Variants in CAMSAP3 observed in about 807,000 individuals in gnomAD.
The protein encoded by CAMSAP3 is calmodulin regulated spectrin associated protein family member 3, also known as calmodulin-regulated spectrin-associated protein 3.
Under a neutral mutation model 112.5 loss-of-function variants are expected in CAMSAP3, and 34 were observed. The observed-to-expected ratio is 0.30, with a 90% CI of 0.23 to 0.40. The LOEUF (loss-of-function observed/expected upper bound fraction) is 0.40. CAMSAP3 is among the 10% of genes least tolerant of loss of function. The pLI, the probability that CAMSAP3 is intolerant of heterozygous loss-of-function variation, is 1.00. For missense variants in CAMSAP3, 1,602 were observed against 1,770.3 expected, an observed-to-expected ratio of 0.90 and a Z score of 1.71; for synonymous variants, 868 against 799.8, an observed-to-expected ratio of 1.09 and a Z score of -1.44.
Position 7,617,981 on chromosome 19 carries a change from C to G in CAMSAP3, c.3674C>G (p.Ala1225Gly), listed in dbSNP as rs1468370577. The G allele has an allele frequency of 1.2e-6, 2 of 1,614,154 alleles. No homozygotes were observed. The highest frequency in any genetic ancestry group is 3.3e-5 in the Admixed American group (2 of 60,026). ...AAGACCATGTCCATGAGCGTCGATGCCTTCACCATCCAGGGACACCTCTGG... is the reference window on the plus strand; with the variant it reads ...AAGACCATGTCCATGAGCGTCGATGGCTTCACCATCCAGGGACACCTCTGG... ...PAKTMSMSVD[A>G]FTIQGHLWQG... Residue 1225 changes from alanine (A) to glycine (G), a missense_variant, in exon 17 of 17, where the codon GCC becomes GGC. Around this residue, in one of 6 missense-constraint regions of CAMSAP3, gnomAD observed 150 missense variants for 207.6 expected, o/e 0.72. Transcript: ENST00000160298. This position sits in a 1 kb window ranked among gnomAD's most constrained non-coding sequence, Gnocchi z 7.5.
Position 7,612,975 on chromosome 19 carries a change from C to G in CAMSAP3, c.2482C>G (p.Leu828Val). 1 of 1,597,478 alleles carries G rather than the reference C, an allele frequency of 6.3e-7. No individual in the cohort carries two copies. Among genetic ancestry groups the G allele is most frequent in the Admixed American group, 1.7e-5 (1 of 59,090 alleles). ...CGTGCAGACGCGCTCTTCCATCCTC[C>G]TGGCGGAGGAGACGCCCCCCGAGGA... is the stretch of plus-strand genomic sequence containing the variant. ...VPVQTRSSIL[L>V]AEETPPEEPA... Residue 828 changes from leucine to valine, a missense_variant, in exon 11 of 17, where the codon CTG becomes GTG. Coordinates refer to ENST00000160298, the MANE Select transcript of CAMSAP3 (RefSeq NM_020902.2).
chr19:7,612,418 C>G lies in CAMSAP3; in HGVS notation c.1925C>G (p.Pro642Arg). The G allele has an allele frequency of 6.3e-7, 1 of 1,591,044 alleles. No individual in the cohort carries two copies. Among genetic ancestry groups the G allele is most frequent in the South Asian group, 1.1e-5 (1 of 88,502 alleles). Residue 642 changes from proline (P) to arginine (R), a missense_variant, in exon 11 of 17, where the codon CCG becomes CGG. By Grantham distance (103) the Pro-to-Arg change is moderately radical. Around this residue, in one of 6 missense-constraint regions of CAMSAP3, gnomAD observed 1,100 missense variants for 1,135.7 expected, o/e 0.97. Coordinates refer to ENST00000160298, the MANE Select transcript of CAMSAP3 (RefSeq NM_020902.2). ...AAAAGCGCCTTCCTGCAGGTGCAGCCGCGGGAAGCCTCTGGGGAGGCGGAA... is the reference window on the plus strand; with the variant it reads ...AAAAGCGCCTTCCTGCAGGTGCAGCGGCGGGAAGCCTCTGGGGAGGCGGAA... Reference protein sequence around the residue: ...LGKSAFLQVQPREASGEAEAE... With the variant: ...LGKSAFLQVQRREASGEAEAE...
chr19:7,616,001 C>A (rs2030767953), intron 13 of CAMSAP3, among the ~76,000 whole-genome samples: 1 of 151,922 alleles, frequency 6.6e-6, no homozygotes, highest in Non-Finnish European at 1.5e-5. Context: ...ACCAGCCTGG[C>A]CAACATGGTG....
intron 1 of CAMSAP3, among the ~76,000 whole-genome samples, chr19:7,600,923 TATCC>T (rs565478424): frequency 1.6e-5 from 2 of 123,182 alleles, no homozygotes; most frequent in Non-Finnish European, 3.6e-5. Flanking sequence ...TTCATCCATT[TATCC>T]ATCCATCCAT....
Position 7,610,864 on chromosome 19 carries a change from C to G in CAMSAP3, c.995-13C>G. 1.2e-6 allele frequency: 2 copies of G among 1,606,800 alleles called. No individual in the cohort carries two copies. The highest frequency in any genetic ancestry group is 1.7e-6 in the Non-Finnish European group (2 of 1,177,700). ...AGCCAAACCCCCGCCTGACCCTCTT[C>G]TCTGTACTGCAGCTGCCTCCCCCCG... On this transcript the variant is annotated splice_polypyrimidine_tract_variant and intron_variant, in intron 7 of 16. Coordinates refer to ENST00000160298, the MANE Select transcript of CAMSAP3 (RefSeq NM_020902.2). The surrounding 1 kb of genome is among the most constrained non-coding windows in gnomAD (Gnocchi z 4.9).
At chr19:7,601,604 G>A (rs2146157805) in intron 1 of CAMSAP3, among the ~76,000 whole-genome samples, 1 of 152,176 alleles carries the variant, frequency 6.6e-6, no homozygotes, top group South Asian at 2.1e-4. Flanking sequence ...TTAGCCAGGT[G>A]TGGTAGCACA....
Position 7,606,256 on chromosome 19 carries a change from C to T in CAMSAP3, c.403-15C>T. ...GCAGCTCTCAGGTCTCACCCTCTAG[C>T]GCTTGCCCCCACAGGGAGCCCACCT... On this transcript the variant is annotated splice_polypyrimidine_tract_variant and intron_variant, in intron 2 of 16. Coordinates refer to ENST00000160298, the MANE Select transcript of CAMSAP3 (RefSeq NM_020902.2). The T allele has an allele frequency of 6.2e-7, 1 of 1,604,852 alleles. No homozygotes were observed. The highest frequency in any genetic ancestry group is 1.1e-5 in the South Asian group (1 of 90,954).
chr19:7,605,749 C>T (rs1262847256), intron 2 of CAMSAP3, among the ~76,000 whole-genome samples: 1 of 151,726 alleles, frequency 6.6e-6, no homozygotes. Flanking sequence ...TTAAGCCTAG[C>T]TCCTATCAGT....
chr19:7,615,049 C>A lies in CAMSAP3; in HGVS notation c.2671-134C>A. 1 of 1,081,226 alleles carries A rather than the reference C, an allele frequency of 9.2e-7. No homozygotes were observed. The highest frequency in any genetic ancestry group is 1.4e-6 in the Non-Finnish European group (1 of 730,780). 67.0% of individuals were successfully genotyped at this position (1,081,226 alleles called of 1,614,324 possible). A position where few individuals can be genotyped will look rare whatever the true frequency, so the allele number is the denominator to read the frequency against. ...TGTGGGGCTGTGCATACAGTAGGCA[C>A]CAACTAAGTGCATTTAGAACAATGA... On this transcript the variant is annotated intron_variant, in intron 11 of 16. Transcript: ENST00000160298. The surrounding 1 kb of genome is among the most constrained non-coding windows in gnomAD (Gnocchi z 6.5).
In CAMSAP3 at chr19:7,611,515, A is replaced by G; in HGVS notation, c.1124-2A>G. The G allele has an allele frequency of 6.2e-7, 1 of 1,609,370 alleles. No homozygotes were observed. Among genetic ancestry groups the G allele is most frequent in the Non-Finnish European group, 8.5e-7 (1 of 1,178,020 alleles). ...ATAGTGACCACTCATCGCCTCCCCCAGGCTCCCTGAAGTCTTCCCCGTCCA... is the reference window on the plus strand; with the variant it reads ...ATAGTGACCACTCATCGCCTCCCCCGGGCTCCCTGAAGTCTTCCCCGTCCA... On this transcript the variant is annotated splice_acceptor_variant, in intron 9 of 16. Coordinates refer to ENST00000160298, the MANE Select transcript of CAMSAP3 (RefSeq NM_020902.2). LOFTEE classifies it high-confidence loss of function. The surrounding 1 kb of genome is among the most constrained non-coding windows in gnomAD (Gnocchi z 6.9).
rs557116801 is a variant in CAMSAP3, at chr19:7,600,975, C to A, written c.149-4251C>A. Among the ~76,000 whole-genome samples, 13 of 151,016 alleles carry A rather than the reference C, an allele frequency of 8.6e-5. No individual in the cohort carries two copies. The South Asian group carries it at 2.5e-3, about 29-fold the overall frequency. On this transcript the variant is annotated intron_variant, in intron 1 of 16. Transcript: ENST00000160298. ...CCATTCATCCATTTATCCATCCATC[C>A]ATCCATCCATCCTAGCTATGTTGTA...
chr19:7,606,388 G>T lies in CAMSAP3; in HGVS notation c.520G>T (p.Asp174Tyr), dbSNP rs766694369. 3.1e-6 allele frequency: 5 copies of T among 1,613,666 alleles called. No homozygotes were observed. Among genetic ancestry groups the T allele is most frequent in the Non-Finnish European group, 4.2e-6 (5 of 1,179,988 alleles). ...GGAGCACAAGCTGCTTTTCTGGGTG[G>T]ACACGGTAGGTGGGGTTGGGCCTGG... Reference protein sequence around the residue: ...SLEHKLLFWVDTTVRRLQEKT... With the variant: ...SLEHKLLFWVYTTVRRLQEKT... Residue 174 changes from aspartate to tyrosine, a missense_variant, in exon 3 of 17, where the codon GAC becomes TAC. By Grantham distance (160) the Asp-to-Tyr change is radical (BLOSUM62 -3). This residue lies in a region of CAMSAP3 where 112 missense variants were observed against 94.2 expected (regional missense o/e 1.19). Transcript: ENST00000160298.
Position 7,612,258 on chromosome 19 carries a change from A to T in CAMSAP3, c.1765A>T (p.Thr589Ser). Residue 589 changes from threonine to serine, a missense_variant, in exon 11 of 17, where the codon ACT becomes TCT. Physicochemically the swap from Thr to Ser is moderately conservative, Grantham distance 58. This residue lies in a region of CAMSAP3 where 1,100 missense variants were observed against 1,135.7 expected (regional missense o/e 0.97). Transcript: ENST00000160298. ...AEAGAGSPTS[T>S]PAPPEALSSE... Reference sequence around the variant, plus strand: ...GGCCGGAGCGGGGTCCCCCACGTCCACTCCGGCCCCGCCGGAGGCCCTGAG... The same window carrying T: ...GGCCGGAGCGGGGTCCCCCACGTCCTCTCCGGCCCCGCCGGAGGCCCTGAG... 1 of 1,590,222 alleles carries T rather than the reference A, an allele frequency of 6.3e-7. No homozygotes were observed. Among genetic ancestry groups the T allele is most frequent in the Non-Finnish European group, 8.6e-7 (1 of 1,169,332 alleles).
chr19:7,601,051 C>T (rs998025486), intron 1 of CAMSAP3, among the ~76,000 whole-genome samples: 2 of 151,950 alleles, frequency 1.3e-5, no homozygotes, highest in Non-Finnish European at 2.9e-5. Context: ...GCTACTGAGT[C>T]ACTTGAAATG....
In CAMSAP3 at chr19:7,615,472, G is replaced by A; in HGVS notation, c.2865G>A (p.Met955Ile). ...CCCCGCTTGTGTCCGCAGTCCCGAT[G>A]GCGACTCCAGCCCCTGCTGCCCGGG... is the stretch of plus-strand genomic sequence containing the variant. ...GPAPLVSAVP[M>I]ATPAPAARAP... Residue 955 changes from methionine to isoleucine, a missense_variant, in exon 13 of 17, where the codon ATG (methionine) becomes ATA (isoleucine). Transcript: ENST00000160298. The surrounding 1 kb of genome is among the most constrained non-coding windows in gnomAD (Gnocchi z 6.5). 1 of 1,541,064 alleles carries A rather than the reference G, an allele frequency of 6.5e-7. No homozygotes were observed. Among genetic ancestry groups the A allele is most frequent in the Non-Finnish European group, 8.7e-7 (1 of 1,146,094 alleles).
In CAMSAP3 at chr19:7,612,347, G is replaced by A. The variant is rs1301553447; in HGVS notation, c.1854G>A (p.Lys618=). The change falls in exon 11 of 17, where the codon AAG becomes AAA. Residue 618 remains lysine (K), a synonymous_variant. Coordinates refer to ENST00000160298, the MANE Select transcript of CAMSAP3 (RefSeq NM_020902.2). ...EEKRRAIEAQ[K]RRIEAIFAKH... is the part of the protein sequence containing the mutation. The stretch of plus-strand genomic sequence containing the variant: ...AACGCAGAGCCATCGAGGCTCAGAA[G>A]CGACGGATTGAGGCCATATTCGCCA... 6.2e-6 allele frequency: 10 copies of A among 1,603,752 alleles called. No individual in the cohort carries two copies. Among genetic ancestry groups the A allele is most frequent in the African/African-American group, 1.3e-5 (1 of 74,816 alleles).
At chr19:7,598,978 A>C (rs1452337272) in intron 1 of CAMSAP3, among the ~76,000 whole-genome samples, 1 of 152,018 alleles carries the variant, frequency 6.6e-6, no homozygotes, top group Admixed American at 6.5e-5. Context: ...TAAGTGTCGT[A>C]AGGATTAAAT....
In CAMSAP3 at chr19:7,596,167, G is replaced by A. The variant is rs1376921932; in HGVS notation, c.148+17G>A. 3.6e-6 allele frequency: 3 copies of A among 844,262 alleles called. No individual in the cohort carries two copies. The highest frequency in any genetic ancestry group is 4.3e-6 in the Non-Finnish European group (3 of 692,760). 52.3% of individuals were successfully genotyped at this position (844,262 alleles called of 1,614,324 possible). ...GGGGCGCAGGTACCGGGGCTCGGGG[G>A]ACCGGGGTCGGGGGCGGCGGGCCGG... On this transcript the variant is annotated intron_variant, in intron 1 of 16. Coordinates refer to ENST00000160298, the MANE Select transcript of CAMSAP3 (RefSeq NM_020902.2).
Position 7,617,830 on chromosome 19 carries a change from C to T in CAMSAP3, c.3523C>T (p.Leu1175=), listed in dbSNP as rs1415963088. Residue 1175 remains leucine, a synonymous_variant, in exon 17 of 17, where the codon CTG becomes TTG. Transcript: ENST00000160298. This position sits in a 1 kb window ranked among gnomAD's most constrained non-coding sequence, Gnocchi z 7.5. ...SSCQFRALYT[L]SGETEELSRL... ...CTGCCAGTTCCGGGCGCTCTACACG[C>T]TGTCGGGGGAGACAGAGGAGCTGTC... 2 of 1,613,952 alleles carry T rather than the reference C, an allele frequency of 1.2e-6. No individual in the cohort carries two copies. The highest frequency in any genetic ancestry group is 1.7e-6 in the Non-Finnish European group (2 of 1,180,034).
Sources: gnomAD v4.1 joint callset for allele counts (sites outside exome capture counted in the v4.1 genomes callset) on GRCh38, gnomAD v4.1.1 for gene constraint, gnomAD v4.1.1 regional missense constraint, Gnocchi (gnomAD v3.1) non-coding constraint, MANE v1.5 for transcripts, NCBI Gene and HGNC (gene_info 2026-07-23, HGNC 2026-07-21) for gene names.